ABCB11: variants seen among roughly 807,000 people sequenced by gnomAD.
ABCB11 encodes ATP binding cassette subfamily B member 11.
A neutral mutation model predicts 148.0 loss-of-function variants in ABCB11; 95 were observed. That is an observed-to-expected ratio of 0.64 (90% CI 0.54 to 0.76). The LOEUF (loss-of-function observed/expected upper bound fraction) is 0.76, where lower values mean the gene tolerates loss of function less well. Ranked by LOEUF, ABCB11 falls within the 30% of genes least tolerant of loss-of-function variation. ABCB11 has a pLI of 0.00. For missense variants in ABCB11, 1,523 were observed against 1,617.8 expected (o/e 0.94, Z 1.01); for synonymous variants, 591 against 555.4 (o/e 1.06, Z -0.90).
chr2:168,932,271 T>C (rs1459485064), intron 24 of ABCB11, 106 bp downstream of exon 24: 2 of 970,744 alleles, frequency 2.1e-6, no homozygotes, highest in Non-Finnish European at 3.1e-6. Context: ...TGGTTTTCTG[T>C]TCTTGTGTTA....
downstream of ABCB11, among the ~76,000 whole-genome samples, chr2:168,919,678 G>A (rs1359971523): frequency 6.6e-6 from 1 of 151,530 alleles, no homozygotes; most frequent in South Asian, 2.1e-4. Flanking sequence ...ATGGGGAGTA[G>A]AGGTGTTGAG....
At chr2:168,986,355 G>T in intron 9 of ABCB11, 71 bp from the exon 10 acceptor site, 1 of 1,297,308 alleles carries the variant, frequency 7.7e-7, no homozygotes. Flanking sequence ...AACAGGCCGT[G>T]ATGCAGTGGT....
At position 168,920,832 on chromosome 2, in the gene ABCB11, T is replaced by A. The variant is rs1046914058; in HGVS notation, c.*2790A>T. On this transcript the variant is annotated 3_prime_UTR_variant, in exon 28 of 28. Transcript: ENST00000650372. ...TATTTATTCATTTTTGAAGTTGTAATCTTCTCCTTTGTCACTGAGCCTCAA... is the reference window on the plus strand; with the variant it reads ...TATTTATTCATTTTTGAAGTTGTAAACTTCTCCTTTGTCACTGAGCCTCAA... 6.6e-6 allele frequency among the ~76,000 whole-genome samples: 1 copy of A among 152,236 alleles called. No homozygotes were observed. The highest frequency in any genetic ancestry group is 2.4e-5 in the African/African-American group (1 of 41,464).
intron 19 of ABCB11, among the ~76,000 whole-genome samples, chr2:168,946,535 G>A (rs1574417911): frequency 6.6e-6 from 1 of 151,600 alleles, no homozygotes; most frequent in Non-Finnish European, 1.5e-5. Context: ...ATTCTTCCCA[G>A]CATAGCATAA....
intron 25 of ABCB11, among the ~76,000 whole-genome samples, chr2:168,929,758 AC>A (rs753484731): frequency 2.0e-5 from 3 of 152,240 alleles, no homozygotes; most frequent in Non-Finnish European, 4.4e-5. Context: ...TCAGAAGTTT[AC>A]AAATTTATAA....
intron 14 of ABCB11, chr2:168,970,558 C>G (rs944231253): frequency 1.3e-5 from 5 of 387,048 alleles, no homozygotes; most frequent in Admixed American, 7.5e-5. Flanking sequence ...AAATCCGTGT[C>G]TCTTTGCTCC....
intron 19 of ABCB11, among the ~76,000 whole-genome samples, chr2:168,946,891 A>G (rs1692347299): frequency 6.6e-6 from 1 of 151,754 alleles, no homozygotes; most frequent in Non-Finnish European, 1.5e-5. Context: ...AAAAAGAAAG[A>G]GCATTTAGCT....
At chr2:169,019,302 G>A (rs933945372) in intron 1 of ABCB11, among the ~76,000 whole-genome samples, 2 of 152,146 alleles carry the variant, frequency 1.3e-5, no homozygotes, top group African/African-American at 2.4e-5. Flanking sequence ...TGACAGAAGT[G>A]TAATAATTAA....
chr2:168,923,741 C>T lies in ABCB11; in HGVS notation c.3847G>A (p.Ala1283Thr), dbSNP rs1200127913. The change falls in exon 28 of 28, where the codon GCG becomes ACG. Residue 1283 changes from alanine to threonine, a missense_variant. Coordinates refer to ENST00000650372, the MANE Select transcript of ABCB11 (RefSeq NM_003742.4). ...IAHRLSTIQN[A>T]DIIAVMAQGV... ...TGTGCCATGACAGCAATGATATCCG[C>T]GTTCTGGATGGTGGACAAGCGATGG... 17 of 1,613,706 alleles carry T rather than the reference C, an allele frequency of 1.1e-5. No homozygotes were observed. Among genetic ancestry groups the T allele is most frequent in the African/African-American group, 1.3e-5 (1 of 74,856 alleles).
At chr2:168,952,548 G>C (rs1574424656) in intron 19 of ABCB11, among the ~76,000 whole-genome samples, 2 of 150,830 alleles carry the variant, frequency 1.3e-5, no homozygotes, top group East Asian at 3.9e-4. Context: ...GTATTTCTGT[G>C]GTATCTGTTA....
intron 5 of ABCB11, among the ~76,000 whole-genome samples, chr2:169,010,701 C>T (rs1406440803): frequency 6.6e-6 from 1 of 152,084 alleles, no homozygotes; most frequent in South Asian, 2.1e-4. Context: ...CTCCTCTGTC[C>T]CACCCAAGTC....
intron 1 of ABCB11, among the ~76,000 whole-genome samples, chr2:169,026,673 C>A (rs1018470733): frequency 6.6e-6 from 1 of 152,094 alleles, no homozygotes; most frequent in Non-Finnish European, 1.5e-5. Context: ...ATTATTAGAC[C>A]ATGTTTTCTT....
intron 5 of ABCB11, 29 bp downstream of exon 5, chr2:169,013,243 G>A (rs1171500281): frequency 1.9e-6 from 3 of 1,543,202 alleles, no homozygotes; most frequent in Non-Finnish European, 2.7e-6. Context: ...GAGCAAAAAA[G>A]TAAAAAATTA....
intron 1 of ABCB11, among the ~76,000 whole-genome samples, chr2:169,022,248 A>C (rs189368977): frequency 6.0e-4 from 91 of 152,114 alleles, no homozygotes; most frequent in Middle Eastern, 3.5e-3. Context: ...TAAGATAGAA[A>C]ACAAAATAAA....
rs1574387839 is a variant in ABCB11 at position 168,923,447 on chromosome 2, C to T, written c.*175G>A. The T allele has an allele frequency of 6.3e-6, 4 of 639,788 alleles. No homozygotes were observed. The highest frequency in any genetic ancestry group is 1.1e-5 in the Non-Finnish European group (4 of 366,580). The allele number at this position is 639,788 out of a possible 1,614,324, so 39.6% of individuals were successfully genotyped here. A position where few individuals can be genotyped will look rare whatever the true frequency, so the allele number is the denominator to read the frequency against. On this transcript the variant is annotated 3_prime_UTR_variant, in exon 28 of 28. Transcript: ENST00000650372. ...TCTAAAGCAGAATTATTATGGAAGG[C>T]CATTAGAAATTAGCTTGGATTCCGA...
intron 10 of ABCB11, among the ~76,000 whole-genome samples, chr2:168,984,099 C>A (rs1694230209): frequency 6.6e-6 from 1 of 152,028 alleles, no homozygotes. Flanking sequence ...AGAATTCAAA[C>A]AATGATCAGA....
Position 168,996,730 on chromosome 2 carries a change from A to T in ABCB11, c.390-8T>A. On this transcript the variant is annotated splice_polypyrimidine_tract_variant and splice_region_variant and intron_variant, in intron 5 of 27. Transcript: ENST00000650372. ...CTCTCGATGTTCAGCAACCTTCAAA[A>T]GAGGGAAAAGAATGTTCAGACTTGC... The T allele has an allele frequency of 6.5e-7, 1 of 1,533,940 alleles. No homozygotes were observed. The highest frequency in any genetic ancestry group is 1.3e-5 in the South Asian group (1 of 79,350).
intron 1 of ABCB11, among the ~76,000 whole-genome samples, chr2:169,027,566 C>A (rs573020278): frequency 6.6e-6 from 1 of 152,144 alleles, no homozygotes; most frequent in African/African-American, 2.4e-5. Context: ...GACCTCACTG[C>A]TGGGGAGGAG....
chr2:168,920,492 TC>T (rs1489333406), downstream of ABCB11, among the ~76,000 whole-genome samples: 7 of 152,156 alleles, frequency 4.6e-5, no homozygotes, highest in African/African-American at 1.7e-4. Context: ...TTCATCTCTA[TC>T]TTTTTGTTTT....
Sources: gnomAD v4.1 joint callset for allele counts (sites outside exome capture counted in the v4.1 genomes callset) on GRCh38, gnomAD v4.1.1 for gene constraint, MANE v1.5 for transcripts, NCBI Gene and HGNC (gene_info 2026-07-23, HGNC 2026-07-21) for gene names.